The following MFSD11 variants were observed in gnomAD, a reference collection of about 807,000 sequenced individuals.
The protein encoded by MFSD11 is major facilitator superfamily domain containing 11, also known as UNC93-like protein MFSD11.
MFSD11 carries 36 observed loss-of-function variants against 53.5 expected under a neutral mutation model. The observed-to-expected ratio is 0.67, with a 90% CI of 0.52 to 0.89. The LOEUF is 0.89. Among genes scored for constraint, MFSD11 ranks in the 40% least tolerant of loss-of-function variants. The pLI is 0.00. For missense variants in MFSD11, 530 were observed against 543.9 expected, an observed-to-expected ratio of 0.97 and a Z score of 0.25; for synonymous variants, 186 against 184.9, an observed-to-expected ratio of 1.01 and a Z score of -0.05.
rs766001355 is a variant in MFSD11, at chr17:76,742,179, C to G, written c.343C>G (p.Leu115Val). Residue 115 changes from leucine to valine, a missense_variant and splice_region_variant, in exon 5 of 13, where the codon CTT becomes GTT. Transcript: ENST00000685175. ...TAAACTTTTGGGTTGAATTTTAGTGCTTTGGACAGCACAAGGAAACTGCCT... is the reference window on the plus strand; with the variant it reads ...TAAACTTTTGGGTTGAATTTTAGTGGTTTGGACAGCACAAGGAAACTGCCT... ...SVFIGIAAAV[L>V]WTAQGNCLTI... The G allele has an allele frequency of 2.5e-6, 4 of 1,614,056 alleles. No individual in the cohort carries two copies. The South Asian group carries it at 4.4e-5, about 18-fold the overall frequency.
chr17:76,755,598 A>G (rs2144500540), intron 8 of MFSD11, among the ~76,000 whole-genome samples: 1 of 151,826 alleles, frequency 6.6e-6, no homozygotes, highest in Admixed American at 6.6e-5. Flanking sequence ...TCTTGGCCAG[A>G]AATGCCTGTA....
chr17:76,739,622 C>T (rs780649041), intron 2 of MFSD11, among the ~76,000 whole-genome samples: 33 of 152,112 alleles, frequency 2.2e-4, no homozygotes, highest in Non-Finnish European at 3.2e-4. Context: ...TTATTGTGTA[C>T]AACATGTTTT....
downstream of MFSD11, among the ~76,000 whole-genome samples, chr17:76,780,481 CT>C (rs2082133597): frequency 6.7e-6 from 1 of 149,714 alleles, no homozygotes; most frequent in South Asian, 2.1e-4. Flanking sequence ...GAAGAGCTCA[CT>C]TTTGTTGTTG....
At chr17:76,749,691 A>T (rs1047486027) in intron 7 of MFSD11, among the ~76,000 whole-genome samples, 5 of 152,104 alleles carry the variant, frequency 3.3e-5, no homozygotes, top group African/African-American at 9.7e-5. Flanking sequence ...GGAGATCGAG[A>T]CCATCCTGGC....
intron 10 of MFSD11, among the ~76,000 whole-genome samples, chr17:76,770,223 A>G (rs557936677): frequency 9.2e-5 from 14 of 151,852 alleles, no homozygotes; most frequent in African/African-American, 3.1e-4. Context: ...TATTTTTAGT[A>G]GAGACGGGGT....
chr17:76,784,455 C>T (rs559461572), downstream of MFSD11, among the ~76,000 whole-genome samples: 6 of 152,060 alleles, frequency 3.9e-5, no homozygotes, highest in East Asian at 1.2e-3. Flanking sequence ...ATCGCTTGAA[C>T]CTGGGAGGCA....
At chr17:76,801,238 A>T in the MFSD11 span, among the ~76,000 whole-genome samples, 1 of 151,768 alleles carries the variant, frequency 6.6e-6, no homozygotes, top group Non-Finnish European at 1.5e-5. Flanking sequence ...CAAAAAACTT[A>T]AAAAATTAGC....
intron 9 of MFSD11, among the ~76,000 whole-genome samples, chr17:76,768,190 G>A (rs1215686499): frequency 1.3e-5 from 2 of 151,524 alleles, no homozygotes; most frequent in Non-Finnish European, 2.9e-5. Flanking sequence ...TGTAGCCCCA[G>A]CCACTCAGGA....
chr17:76,782,223 T>C (rs2082180546), downstream of MFSD11, among the ~76,000 whole-genome samples: 1 of 152,024 alleles, frequency 6.6e-6, no homozygotes, highest in African/African-American at 2.4e-5. Flanking sequence ...TTGCCCAGGC[T>C]GGAGTGCAAT....
Position 76,738,228 on chromosome 17 carries a change from C to G in MFSD11, c.-125C>G. 1 of 655,416 alleles carries G rather than the reference C, an allele frequency of 1.5e-6. No homozygotes were observed. The highest frequency in any genetic ancestry group is 2.7e-6 in the Non-Finnish European group (1 of 371,956). The allele number at this position is 655,416 out of a possible 1,614,324, so 40.6% of individuals were successfully genotyped here. A position where few individuals can be genotyped will look rare whatever the true frequency, so the allele number is the denominator to read the frequency against. On this transcript the variant is annotated 5_prime_UTR_variant, in exon 1 of 13. Transcript: ENST00000685175. ...CAGGAACTGGAAGTTGACAGCTTGG[C>G]TGCCTGGCTCCTGCATCTGCCTTCT...
the MFSD11 span, among the ~76,000 whole-genome samples, chr17:76,787,267 C>T: frequency 6.6e-6 from 1 of 151,284 alleles, no homozygotes; most frequent in East Asian, 1.9e-4. Flanking sequence ...TCCCGAGTAG[C>T]TGGGATTACA....
At chr17:76,775,680 A>G (rs576483523) in intron 11 of MFSD11, among the ~76,000 whole-genome samples, 1 of 152,354 alleles carries the variant, frequency 6.6e-6, no homozygotes, top group Admixed American at 6.5e-5. Context: ...CAAACTGAGT[A>G]TATCGCATCT....
chr17:76,775,063 G>C lies in MFSD11; in HGVS notation c.941G>C (p.Gly314Ala). ...RFGRNPVVLL[G>A]ILVHFIAFYL... The stretch of plus-strand genomic sequence containing the variant: ...GGTAGAAATCCAGTTGTGCTGTTGG[G>C]CATCCTGGTGCACTTCATAGCTTTT... Residue 314 changes from glycine to alanine, a missense_variant, in exon 11 of 13, where the codon GGC becomes GCC. Transcript: ENST00000685175. 1 of 1,614,050 alleles carries C rather than the reference G, an allele frequency of 6.2e-7. No individual in the cohort carries two copies. The highest frequency in any genetic ancestry group is 1.1e-5 in the South Asian group (1 of 91,082).
chr17:76,748,031 G>A (rs1327235478), intron 7 of MFSD11: 1 of 146,734 alleles, frequency 6.8e-6, no homozygotes, highest in Non-Finnish European at 1.5e-5. Flanking sequence ...AGAGGGGGTG[G>A]TAGACAATGC....
the MFSD11 span, among the ~76,000 whole-genome samples, chr17:76,793,323 A>G: frequency 2.0e-5 from 3 of 151,460 alleles, no homozygotes; most frequent in Admixed American, 6.6e-5. Flanking sequence ...TCAGGGCCGC[A>G]TTCTCTTTCA....
chr17:76,758,352 A>T (rs939931574), intron 8 of MFSD11, among the ~76,000 whole-genome samples: 1 of 151,940 alleles, frequency 6.6e-6, no homozygotes, highest in Non-Finnish European at 1.5e-5. Context: ...AGCCAAGGTG[A>T]TGGGGGGATT....
Position 76,765,419 on chromosome 17 carries a change from A to G in MFSD11, c.683-1967A>G, listed in dbSNP as rs912256910. ...TCCTCCAACTTTGTTACTTTTCAATATTATTTTGGCTATTGTGGGTCCCTT... is the reference window on the plus strand; with the variant it reads ...TCCTCCAACTTTGTTACTTTTCAATGTTATTTTGGCTATTGTGGGTCCCTT... On this transcript the variant is annotated intron_variant, in intron 8 of 12. Coordinates refer to ENST00000685175, the MANE Select transcript of MFSD11 (RefSeq NM_001242532.5). 1.4e-4 allele frequency among the ~76,000 whole-genome samples: 12 copies of G among 83,298 alleles called. No individual in the cohort carries two copies. The South Asian group carries it at 3.9e-3, about 27-fold the overall frequency. The allele number at this position is 83,298 out of a possible 152,430, so 54.6% of individuals were successfully genotyped here.
At chr17:76,765,452 C>CTTTTTTTT (rs59878271) in intron 8 of MFSD11, among the ~76,000 whole-genome samples, 3 of 91,470 alleles carry the variant, frequency 3.3e-5, no homozygotes, top group Admixed American at 1.1e-4. Context: ...CTTGAATTTC[C>CTTTTTTTT]TTTTTTTTTT....
At chr17:76,736,846 C>T (rs2077528400), upstream of MFSD11, 2 of 1,604,808 alleles carry the variant, frequency 1.2e-6, no homozygotes, top group East Asian at 2.2e-5. Context: ...TGCGGGGTGG[C>T]GGTCCCCGGC....
Sources: allele counts gnomAD v4.1 joint callset (sites outside exome capture counted in the v4.1 genomes callset), GRCh38; gene constraint gnomAD v4.1.1; transcripts MANE v1.5; gene names NCBI Gene and HGNC (gene_info 2026-07-23, HGNC 2026-07-21).